The following TCP11 variants were observed in gnomAD, a reference collection of about 807,000 sequenced individuals.
The protein encoded by TCP11 is T-complex protein 11 homolog.
In TCP11, 34 loss-of-function variants were observed where a neutral mutation model predicts 45.0. The observed-to-expected ratio is 0.76, with a 90% CI of 0.57 to 1.01. The LOEUF is 1.01. Ranked by LOEUF, TCP11 falls within the 50% of genes least tolerant of loss-of-function variation. The pLI, the probability that TCP11 is intolerant of heterozygous loss-of-function variation, is 0.00. For missense variants in TCP11, 523 were observed against 598.1 expected (o/e 0.87, Z 1.31); for synonymous variants, 227 against 227.0 (o/e 1.00, Z 0.00).
chr6:35,128,371 A>T (rs531140866), intron 4 of TCP11: 1 of 152,380 alleles, frequency 6.6e-6, no homozygotes, highest in African/African-American at 2.4e-5. Flanking sequence ...TTCACAACAC[A>T]GCTGTTTGCT....
intron 4 of TCP11, among the ~76,000 whole-genome samples, chr6:35,124,744 C>A (rs1779632709): frequency 1.3e-5 from 2 of 152,068 alleles, no homozygotes. Context: ...GGGGAAAGGA[C>A]AGTCTTTTCA....
At chr6:35,138,925 T>C (rs1781414112) in intron 2 of TCP11, among the ~76,000 whole-genome samples, 1 of 152,162 alleles carries the variant, frequency 6.6e-6, no homozygotes, top group Admixed American at 6.5e-5. Context: ...CTGTGGCTCT[T>C]GCCTATAATC....
intron 2 of TCP11, among the ~76,000 whole-genome samples, chr6:35,137,533 C>T (rs891407873): frequency 4.6e-5 from 7 of 150,828 alleles, no homozygotes; most frequent in Non-Finnish European, 1.0e-4. Context: ...TTTAGGAAAA[C>T]TCATTACAAT....
intron 4 of TCP11, among the ~76,000 whole-genome samples, chr6:35,124,527 A>G (rs1779616760): frequency 6.6e-6 from 1 of 152,198 alleles, no homozygotes; most frequent in Non-Finnish European, 1.5e-5. Flanking sequence ...TAAGCTTCCC[A>G]TCAGGAATTA....
chr6:35,140,549 ACTT>A (rs752300799), intron 2 of TCP11, 195 bp downstream of exon 2: 5 of 672,222 alleles, frequency 7.4e-6, no homozygotes, highest in Non-Finnish European at 1.4e-5. Context: ...CGCTTGGGTC[ACTT>A]CTTTCTCTAG....
In TCP11 at chr6:35,120,831, T is replaced by TA; in HGVS notation, c.715+77dup. The TA allele has an allele frequency of 4.0e-6, 6 of 1,509,458 alleles. No homozygotes were observed. Among genetic ancestry groups the TA allele is most frequent in the Non-Finnish European group, 5.4e-6 (6 of 1,120,570 alleles). The allele number at this position is 1,509,458 out of a possible 1,614,324, so 93.5% of individuals were successfully genotyped here. A position where few individuals can be genotyped will look rare whatever the true frequency, so the allele number is the denominator to read the frequency against. ...GCAACTTTCTATTCCTAAAAAGAGA[T>TA]AGAGTACTCTCTAACATTATAAAAG... On this transcript the variant is annotated intron_variant, in intron 6 of 9. Transcript: ENST00000311875. This position sits in a 1 kb window ranked among gnomAD's most constrained non-coding sequence, Gnocchi z 4.9.
Position 35,120,397 on chromosome 6 carries a change from C to T in TCP11, c.933+32G>A, listed in dbSNP as rs1452273955. On this transcript the variant is annotated intron_variant, in intron 7 of 9. Coordinates refer to ENST00000311875, the MANE Select transcript of TCP11 (RefSeq NM_001370687.1). The surrounding 1 kb of genome is among the most constrained non-coding windows in gnomAD (Gnocchi z 4.9). The stretch of plus-strand genomic sequence containing the variant: ...GAAGTCCCGATGGAAGCCCTGAACA[C>T]AAAACAAGGCAATGCCCCCAGACAT... 6.3e-7 allele frequency: 1 copy of T among 1,589,630 alleles called. No homozygotes were observed. Among genetic ancestry groups the T allele is most frequent in the Non-Finnish European group, 8.6e-7 (1 of 1,167,028 alleles).
At chr6:35,140,663 A>G in intron 2 of TCP11, 84 bp downstream of exon 2, 2 of 746,760 alleles carry the variant, frequency 2.7e-6, no homozygotes, top group Non-Finnish European at 4.8e-6. Flanking sequence ...GTGAAGAGAG[A>G]AAACTTGGGG....
At chr6:35,139,026 A>ATT (rs1781428205) in intron 2 of TCP11, among the ~76,000 whole-genome samples, 1 of 152,114 alleles carries the variant, frequency 6.6e-6, no homozygotes, top group Admixed American at 6.5e-5. Context: ...CGTCTCTCCT[A>ATT]AAAATACAAA....
chr6:35,129,110 A>T lies in TCP11; in HGVS notation c.309T>A (p.Thr103=). Residue 103 remains threonine, a synonymous_variant, in exon 4 of 10, where the codon ACT becomes ACA. Coordinates refer to ENST00000311875, the MANE Select transcript of TCP11 (RefSeq NM_001370687.1). ...CAAGAGCACAGCTGAAGTCAGGGGGAGTTGCTGATAGTTGCTCTTTAAGAT... is the reference window on the plus strand; with the variant it reads ...CAAGAGCACAGCTGAAGTCAGGGGGTGTTGCTGATAGTTGCTCTTTAAGAT... ...WDHLKEQLSA[T]PPDFSCALEL... 1 of 1,614,078 alleles carries T rather than the reference A, an allele frequency of 6.2e-7. No homozygotes were observed. Among genetic ancestry groups the T allele is most frequent in the Non-Finnish European group, 8.5e-7 (1 of 1,179,986 alleles).
chr6:35,134,812 C>T (rs1295499790), intron 3 of TCP11, among the ~76,000 whole-genome samples: 1 of 152,084 alleles, frequency 6.6e-6, no homozygotes, highest in African/African-American at 2.4e-5. Context: ...AACCTCTTCC[C>T]TTGAGGGTGG....
Position 35,120,123 on chromosome 6 carries a change from T to C in TCP11, c.1115+36A>G, listed in dbSNP as rs766435624. On this transcript the variant is annotated intron_variant, in intron 8 of 9. Coordinates refer to ENST00000311875, the MANE Select transcript of TCP11 (RefSeq NM_001370687.1). The surrounding 1 kb of genome is among the most constrained non-coding windows in gnomAD (Gnocchi z 4.9). ...CTGCCTATGTTCTAAATACCACATA[T>C]CACCTTCTACTCTAAAAAGTAACTA... is the stretch of plus-strand genomic sequence containing the variant. The C allele has an allele frequency of 1.2e-6, 2 of 1,600,366 alleles. No homozygotes were observed. Among genetic ancestry groups the C allele is most frequent in the Non-Finnish European group, 1.7e-6 (2 of 1,172,986 alleles).
intron 3 of TCP11, among the ~76,000 whole-genome samples, chr6:35,129,609 G>A (rs1034029563): frequency 5.3e-5 from 8 of 152,170 alleles, no homozygotes; most frequent in Admixed American, 5.2e-4. Context: ...AAGGTCCACA[G>A]ATATTTCCAA....
intron 2 of TCP11, 115 bp downstream of exon 2, chr6:35,140,632 A>C (rs1781630559): frequency 1.4e-6 from 1 of 710,628 alleles, no homozygotes; most frequent in African/African-American, 1.7e-5. Flanking sequence ...GAAACGGAGA[A>C]AGACAAACGA....
rs776451131 is a variant in TCP11 at position 35,119,302 on chromosome 6, C to T, written c.1205G>A (p.Ser402Asn). The T allele has an allele frequency of 1.9e-6, 3 of 1,614,234 alleles. No homozygotes were observed. In the South Asian group the frequency reaches 3.3e-5, roughly 18 times the overall value. The change falls in exon 9 of 10, where the codon AGT becomes AAT. Residue 402 changes from serine to asparagine, a missense_variant. Ser to Asn is a conservative substitution (Grantham distance 46, BLOSUM62 1). Around this residue, in one of 2 missense-constraint regions of TCP11, gnomAD observed 298 missense variants for 387.9 expected, o/e 0.77. Coordinates refer to ENST00000311875, the MANE Select transcript of TCP11 (RefSeq NM_001370687.1). ...TCCCATTAGAGATGCTGTATTATCACTGCTTAGAGCAACAAGGCCCATATT... is the reference window on the plus strand; with the variant it reads ...TCCCATTAGAGATGCTGTATTATCATTGCTTAGAGCAACAAGGCCCATATT... ...LKNMGLVALS[S>N]DNTASLMGQL...
intron 4 of TCP11, among the ~76,000 whole-genome samples, chr6:35,125,755 G>T (rs1323052581): frequency 6.6e-6 from 1 of 152,100 alleles, no homozygotes; most frequent in Non-Finnish European, 1.5e-5. Context: ...AAGGCATAAA[G>T]AACCTAAACG....
intron 2 of TCP11, chr6:35,140,231 G>T: frequency 6.6e-7 from 1 of 1,508,226 alleles, no homozygotes. Flanking sequence ...GTTCTCTGGA[G>T]ATTAAGAGAA....
In TCP11 at chr6:35,120,158, C is replaced by T. The variant is rs1394501675; in HGVS notation, c.1115+1G>A. ...CTCTAAAAAGTAACTATGCAGCTCA[C>T]CTGGAGTGAAAGTCTTCCAACAAGG... On this transcript the variant is annotated splice_donor_variant, in intron 8 of 9. Coordinates refer to ENST00000311875, the MANE Select transcript of TCP11 (RefSeq NM_001370687.1). LOFTEE classifies it high-confidence loss of function. This position sits in a 1 kb window ranked among gnomAD's most constrained non-coding sequence, Gnocchi z 4.9. 6.2e-7 allele frequency: 1 copy of T among 1,613,728 alleles called. No homozygotes were observed.
At chr6:35,124,876 TAA>T (rs1010559826) in intron 4 of TCP11, among the ~76,000 whole-genome samples, 3 of 151,350 alleles carry the variant, frequency 2.0e-5, no homozygotes, top group African/African-American at 4.8e-5. Flanking sequence ...TAAAGTATAA[TAA>T]AAAATATATA....
Sources: gnomAD v4.1 joint callset for allele counts (sites outside exome capture counted in the v4.1 genomes callset) on GRCh38, gnomAD v4.1.1 for gene constraint, gnomAD v4.1.1 regional missense constraint, Gnocchi (gnomAD v3.1) non-coding constraint, MANE v1.5 for transcripts, NCBI Gene and HGNC (gene_info 2026-07-23, HGNC 2026-07-21) for gene names.